The following SYT1 variants were observed in gnomAD, a reference collection of about 807,000 sequenced individuals.
The protein encoded by SYT1 is synaptotagmin-1.
Under a neutral mutation model 44.8 loss-of-function variants are expected in SYT1, and 8 were observed. The observed-to-expected ratio is 0.18, with a 90% CI of 0.10 to 0.32. The LOEUF (loss-of-function observed/expected upper bound fraction) is 0.32. SYT1 is among the 10% of genes least tolerant of loss of function. The pLI is 1.00. For synonymous variants in SYT1, 154 were observed against 188.8 expected, an observed-to-expected ratio of 0.82 and a Z score of 1.51; for missense variants, 286 against 509.3, an observed-to-expected ratio of 0.56 and a Z score of 4.22.
At chr12:79,295,183 G>A (rs2138864231) in intron 6 of SYT1, among the ~76,000 whole-genome samples, 2 of 152,142 alleles carry the variant, frequency 1.3e-5, no homozygotes, top group South Asian at 4.2e-4. Flanking sequence ...TTACCTATAT[G>A]GATCTAAATC....
chr12:78,981,986 A>T (rs1056043605), intron 2 of SYT1, among the ~76,000 whole-genome samples: 6 of 152,150 alleles, frequency 3.9e-5, no homozygotes, highest in Non-Finnish European at 5.9e-5. Context: ...GTGCAAAAAA[A>T]GGAGGTATCT....
intron 3 of SYT1, among the ~76,000 whole-genome samples, chr12:79,122,383 G>A (rs1458800040): frequency 3.3e-5 from 5 of 149,792 alleles, no homozygotes; most frequent in South Asian, 2.1e-4. Flanking sequence ...GCGTGGTAGC[G>A]GGCGCCTGTA....
At chr12:79,339,043 C>A (rs1329020213) in intron 8 of SYT1, among the ~76,000 whole-genome samples, 1 of 152,032 alleles carries the variant, frequency 6.6e-6, no homozygotes, top group African/African-American at 2.4e-5. Context: ...GTATATGTGC[C>A]GCATTTTCTT....
intron 4 of SYT1, among the ~76,000 whole-genome samples, chr12:79,227,792 A>T (rs1836119506): frequency 6.6e-6 from 1 of 152,166 alleles, no homozygotes; most frequent in Admixed American, 6.5e-5. Flanking sequence ...TCGTTAGCAG[A>T]GTGTCTGGCA....
chr12:79,168,541 T>C (rs1871339450), intron 3 of SYT1, among the ~76,000 whole-genome samples: 1 of 152,054 alleles, frequency 6.6e-6, no homozygotes, highest in African/African-American at 2.4e-5. Context: ...TAATTTTAAA[T>C]TTACATTTTA....
intron 9 of SYT1, among the ~76,000 whole-genome samples, chr12:79,421,357 T>C (rs566635687): frequency 6.6e-6 from 1 of 152,252 alleles, no homozygotes; most frequent in South Asian, 2.1e-4. Context: ...TGCTGGTGTG[T>C]TTTATAAATT....
intron 10 of SYT1, 75 bp from the exon 11 acceptor site, chr12:79,448,843 C>G: frequency 7.6e-7 from 1 of 1,317,296 alleles, no homozygotes; most frequent in Non-Finnish European, 1.1e-6. Context: ...AATTCTTTAG[C>G]GCTCAAGGAC....
intron 3 of SYT1, among the ~76,000 whole-genome samples, chr12:79,199,537 A>G (rs527711782): frequency 2.2e-4 from 33 of 151,996 alleles, no homozygotes; most frequent in African/African-American, 7.7e-4. Flanking sequence ...ATGCCCTATC[A>G]CCTCTCCAAA....
intron 1 of SYT1, among the ~76,000 whole-genome samples, chr12:78,882,973 T>A (rs1874538647): frequency 6.6e-6 from 1 of 151,630 alleles, no homozygotes; most frequent in Non-Finnish European, 1.5e-5. Flanking sequence ...CCTAAAAAAG[T>A]GCAGTGAAAA....
At chr12:79,192,796 A>G (rs999988192) in intron 3 of SYT1, among the ~76,000 whole-genome samples, 5 of 152,174 alleles carry the variant, frequency 3.3e-5, no homozygotes, top group Non-Finnish European at 5.9e-5. Flanking sequence ...ATATGAATGA[A>G]TTATTTATTA....
At chr12:79,413,955 C>A (rs1343085234) in intron 9 of SYT1, among the ~76,000 whole-genome samples, 1 of 152,126 alleles carries the variant, frequency 6.6e-6, no homozygotes, top group East Asian at 1.9e-4. Flanking sequence ...GTAAGGAAGG[C>A]AAATATGCAT....
intron 2 of SYT1, among the ~76,000 whole-genome samples, chr12:79,045,062 T>A (rs1873911714): frequency 6.6e-6 from 1 of 151,854 alleles, no homozygotes; most frequent in African/African-American, 2.4e-5. Context: ...CAGAGGTTAC[T>A]GCTGTCTTTT....
chr12:78,936,705 TTC>T (rs1340412609), intron 1 of SYT1, among the ~76,000 whole-genome samples: 4 of 152,176 alleles, frequency 2.6e-5, no homozygotes, highest in Non-Finnish European at 5.9e-5. Context: ...GGACACTTTA[TTC>T]AAGACTATTG....
At chr12:79,390,176 G>A (rs752400230) in intron 9 of SYT1, among the ~76,000 whole-genome samples, 49 of 151,858 alleles carry the variant, frequency 3.2e-4, no homozygotes, top group Non-Finnish European at 4.6e-4. Flanking sequence ...CTTGTGATCC[G>A]CCCGCCCCAG....
chr12:79,048,035 T>C (rs1874202250), intron 3 of SYT1, among the ~76,000 whole-genome samples: 2 of 151,894 alleles, frequency 1.3e-5, no homozygotes, highest in Non-Finnish European at 1.5e-5. Flanking sequence ...ATTTTGAATA[T>C]GTGAATATGA....
chr12:79,043,618 CCATTTA>C, intron 2 of SYT1, among the ~76,000 whole-genome samples: 1 of 151,296 alleles, frequency 6.6e-6, no homozygotes, highest in African/African-American at 2.4e-5. Context: ...AGCATTTAGT[CCATTTA>C]CATTTAAAGT....
At chr12:79,345,133 A>G (rs546197569) in intron 8 of SYT1, among the ~76,000 whole-genome samples, 83 of 152,182 alleles carry the variant, frequency 5.5e-4, no homozygotes, top group African/African-American at 1.9e-3. Context: ...GGACACCTAT[A>G]TGTCCCCTGC....
At chr12:78,996,372 G>A (rs1870382470) in intron 2 of SYT1, among the ~76,000 whole-genome samples, 1 of 152,116 alleles carries the variant, frequency 6.6e-6, no homozygotes. Context: ...GGATTTTATA[G>A]GGGAATCTTG....
At chr12:79,291,846 A>T (rs1283855197) in intron 5 of SYT1, 162 bp from the exon 6 acceptor site, 3 of 932,168 alleles carry the variant, frequency 3.2e-6, no homozygotes, top group East Asian at 2.6e-5. Context: ...AAAGGAATTT[A>T]AAAAATATGT....
Sources: allele counts gnomAD v4.1 joint callset (sites outside exome capture counted in the v4.1 genomes callset), GRCh38; gene constraint gnomAD v4.1.1; transcripts MANE v1.5; gene names NCBI Gene and HGNC (gene_info 2026-07-23, HGNC 2026-07-21).